OLA1: variants seen among roughly 807,000 people sequenced by gnomAD.
The protein encoded by OLA1 is obg-like ATPase 1.
A neutral mutation model predicts 48.4 loss-of-function variants in OLA1; 14 were observed. The ratio of observed to expected loss-of-function variants is 0.29; its 90% CI spans 0.19 to 0.45. The LOEUF is 0.45. Among genes scored for constraint, OLA1 ranks in the 20% least tolerant of loss-of-function variants. The pLI is 1.00. For missense variants in OLA1, 325 were observed against 467.1 expected, an observed-to-expected ratio of 0.70 and a Z score of 2.80; for synonymous variants, 127 against 150.4, an observed-to-expected ratio of 0.84 and a Z score of 1.14.
rs180861578 is a variant in OLA1, at chr2:174,195,043, C to G, written c.373+27990G>C. On this transcript the variant is annotated intron_variant, in intron 4 of 10. Coordinates refer to ENST00000284719, the MANE Select transcript of OLA1 (RefSeq NM_013341.5). The stretch of plus-strand genomic sequence containing the variant: ...TGGTCTGCAGTTTCAGTTAAACATC[C>G]TATCTGAATCCTGCTGTGCTTCAGC... 3.4e-3 allele frequency among the ~76,000 whole-genome samples: 520 copies of G among 152,134 alleles called. 3 individuals are homozygous for G. The highest frequency in any genetic ancestry group is 6.4e-3 in the Non-Finnish European group (432 of 67,990).
chr2:174,073,102 A>C lies in OLA1; in HGVS notation c.*2324T>G, dbSNP rs35073559. 0.17 allele frequency: 25,416 copies of C among 152,028 alleles called. 2,549 individuals are homozygous for C. Among genetic ancestry groups the C allele is most frequent in the Non-Finnish European group, 0.23 (15,881 of 67,974 alleles). The allele number at this position is 152,028 out of a possible 1,614,324, so 9.4% of individuals were successfully genotyped here. On this transcript the variant is annotated 3_prime_UTR_variant, in exon 11 of 11. Coordinates refer to ENST00000284719, the MANE Select transcript of OLA1 (RefSeq NM_013341.5). ...GCTCAAGCGATCGATCAATCCTCCC[A>C]TCTCAGCCTCCTAAGTAGCTGGGAC...
chr2:174,110,520 C>T (rs1005230244), intron 7 of OLA1, among the ~76,000 whole-genome samples: 1 of 151,910 alleles, frequency 6.6e-6, no homozygotes, highest in East Asian at 1.9e-4. Context: ...TCAAAGCTTA[C>T]TGCAGCCTCG....
intron 4 of OLA1, among the ~76,000 whole-genome samples, chr2:174,181,491 G>T (rs146797040): frequency 2.0e-5 from 3 of 152,276 alleles, no homozygotes; most frequent in East Asian, 1.9e-4. Context: ...TGTGAAATAC[G>T]TAAGAGAGGG....
intron 4 of OLA1, among the ~76,000 whole-genome samples, chr2:174,196,715 G>A (rs1687884882): frequency 6.6e-6 from 1 of 152,178 alleles, no homozygotes; most frequent in Non-Finnish European, 1.5e-5. Flanking sequence ...TATATGCTAT[G>A]CACATAAGAC....
In OLA1 at chr2:174,155,046, A is replaced by T. The variant is rs145998563; in HGVS notation, c.374-13046T>A. On this transcript the variant is annotated intron_variant, in intron 4 of 10. Transcript: ENST00000284719. ...ACTGAAATGGTATCTCCATAGCAAT[A>T]TGCCTTCTCTAACCATACCCTCTAT... 2.4e-4 allele frequency among the ~76,000 whole-genome samples: 36 copies of T among 152,288 alleles called. 1 individual carries two copies. In the East Asian group the frequency reaches 6.9e-3, roughly 29 times the overall value.
At chr2:174,216,177 C>A (rs937101480) in intron 4 of OLA1, among the ~76,000 whole-genome samples, 1 of 151,964 alleles carries the variant, frequency 6.6e-6, no homozygotes, top group Admixed American at 6.6e-5. Context: ...GTGGTGCACA[C>A]CTGTAGTCCT....
intron 4 of OLA1, 44 bp downstream of exon 4, chr2:174,222,989 C>T: frequency 1.3e-6 from 2 of 1,558,518 alleles, no homozygotes; most frequent in South Asian, 2.4e-5. Flanking sequence ...AAAGAAAACA[C>T]TGATCTGAAT....
At chr2:174,248,012 A>G (rs1689166075) in intron 1 of OLA1, 1 of 433,312 alleles carries the variant, frequency 2.3e-6, no homozygotes, top group Non-Finnish European at 4.2e-6. Context: ...TTGCAGTAGT[A>G]TTCCAGCCTC....
At chr2:174,235,190 C>T (rs1688820304) in intron 2 of OLA1, among the ~76,000 whole-genome samples, 1 of 151,892 alleles carries the variant, frequency 6.6e-6, no homozygotes, top group Non-Finnish European at 1.5e-5. Flanking sequence ...AACGTAAAAC[C>T]CATTAATCTA....
chr2:174,081,777 C>T, intron 8 of OLA1, 147 bp downstream of exon 8: 1 of 748,010 alleles, frequency 1.3e-6, no homozygotes, highest in East Asian at 2.7e-5. Flanking sequence ...TAAATCTTTT[C>T]ACTCTGTCTC....
rs1687087570 is a variant in OLA1, at chr2:174,163,767, TATA to T, written c.374-21770_374-21768del. ...ATATATATATATATATATATATATA[TATA>T]TATATAAATAAATGTTTGGGTGCCT... On this transcript the variant is annotated intron_variant, in intron 4 of 10. Coordinates refer to ENST00000284719, the MANE Select transcript of OLA1 (RefSeq NM_013341.5). 2.1e-3 allele frequency among the ~76,000 whole-genome samples: 68 copies of T among 31,832 alleles called. 10 individuals are homozygous for T. The highest frequency in any genetic ancestry group is 2.9e-3 in the Non-Finnish European group (52 of 17,692). The allele number at this position is 31,832 out of a possible 152,430, so 20.9% of individuals were successfully genotyped here.
At chr2:174,235,165 A>T (rs1345902037) in intron 2 of OLA1, among the ~76,000 whole-genome samples, 1 of 152,178 alleles carries the variant, frequency 6.6e-6, no homozygotes, top group Admixed American at 6.5e-5. Flanking sequence ...TCTTGGGAAA[A>T]AAATAAATAA....
intron 7 of OLA1, among the ~76,000 whole-genome samples, chr2:174,094,400 C>CT (rs1558950336): frequency 1.3e-5 from 2 of 152,226 alleles, no homozygotes; most frequent in South Asian, 2.1e-4. Flanking sequence ...TTCAAAATCC[C>CT]GGATTTTTTC....
At chr2:174,079,230 T>C (rs764531603) in intron 9 of OLA1, 140 bp from the exon 10 acceptor site, 3 of 604,362 alleles carry the variant, frequency 5.0e-6, no homozygotes, top group Non-Finnish European at 5.5e-6. Context: ...ATATAATTAG[T>C]ACATTTTCAA....
chr2:174,227,036 G>C (rs1688630579), intron 3 of OLA1, among the ~76,000 whole-genome samples: 1 of 151,996 alleles, frequency 6.6e-6, no homozygotes, highest in Non-Finnish European at 1.5e-5. Flanking sequence ...TGAGGCTACA[G>C]TGAGCTGTGA....
In OLA1 at chr2:174,114,341, C is replaced by CAAAAAAAAA. The variant is rs76471043; in HGVS notation, c.728+8830_728+8838dup. On this transcript the variant is annotated intron_variant, in intron 7 of 10. Coordinates refer to ENST00000284719, the MANE Select transcript of OLA1 (RefSeq NM_013341.5). Reference sequence around the variant, plus strand: ...TGGGCGACAGAGCAAGACTCCGCCTCAAAAAAAAAAAAAAAAAAAAAAAAA... The same window carrying CAAAAAAAAA: ...TGGGCGACAGAGCAAGACTCCGCCTCAAAAAAAAAAAAAAAAAAAAAAAAAAAAAAAAAA... Among the ~76,000 whole-genome samples the CAAAAAAAAA allele has an allele frequency of 7.6e-4, 46 of 60,640 alleles. 1 individual carries two copies. Among genetic ancestry groups the CAAAAAAAAA allele is most frequent in the East Asian group, 4.6e-3 (6 of 1,294 alleles). The allele number at this position is 60,640 out of a possible 152,430, so 39.8% of individuals were successfully genotyped here. A position where few individuals can be genotyped will look rare whatever the true frequency, so the allele number is the denominator to read the frequency against.
chr2:174,146,566 T>A (rs1241008889), intron 4 of OLA1, among the ~76,000 whole-genome samples: 2 of 152,144 alleles, frequency 1.3e-5, no homozygotes, highest in African/African-American at 4.8e-5. Flanking sequence ...CAAATCTGAG[T>A]GACATCACCT....
intron 5 of OLA1, among the ~76,000 whole-genome samples, chr2:174,128,069 A>G (rs1377052666): frequency 1.3e-5 from 2 of 151,824 alleles, no homozygotes; most frequent in East Asian, 3.9e-4. Context: ...ATAGTATGAC[A>G]CTGGCACAAG....
intron 4 of OLA1, among the ~76,000 whole-genome samples, chr2:174,164,810 A>G (rs781649837): frequency 3.9e-5 from 6 of 152,230 alleles, no homozygotes; most frequent in Non-Finnish European, 8.8e-5. Context: ...ATCTGCTCAC[A>G]GTGACTACTG....
Sources: allele counts gnomAD v4.1 joint callset (sites outside exome capture counted in the v4.1 genomes callset), GRCh38; gene constraint gnomAD v4.1.1; transcripts MANE v1.5; gene names NCBI Gene and HGNC (gene_info 2026-07-23, HGNC 2026-07-21).